The following HS6ST3 variants were observed in gnomAD, a reference collection of about 807,000 sequenced individuals.
HS6ST3 encodes the protein heparan-sulfate 6-O-sulfotransferase 3.
In HS6ST3, 12 loss-of-function variants were observed where a neutral mutation model predicts 36.7. The ratio of observed to expected loss-of-function variants is 0.33; its 90% CI spans 0.21 to 0.53. The LOEUF (loss-of-function observed/expected upper bound fraction) is 0.53, where lower values mean the gene tolerates loss of function less well. HS6ST3 is among the 20% of genes least tolerant of loss of function. The probability of loss-of-function intolerance (pLI) is 0.95; values close to 1 mark genes in which losing one functional copy is unlikely to be tolerated. For synonymous variants in HS6ST3, 240 were observed against 257.5 expected (o/e 0.93, Z 0.65); for missense variants, 584 against 640.9 (o/e 0.91, Z 0.96).
At chr13:96,515,090 A>C (rs1180218169) in intron 1 of HS6ST3, among the ~76,000 whole-genome samples, 1 of 152,186 alleles carries the variant, frequency 6.6e-6, no homozygotes, top group Non-Finnish European at 1.5e-5. Flanking sequence ...AAAGTAGGAG[A>C]CTTGCAGTTG....
rs889117402 is a variant in HS6ST3 at position 96,467,160 on chromosome 13, G to A, written c.708-365330G>A. 1.2e-4 allele frequency among the ~76,000 whole-genome samples: 18 copies of A among 151,956 alleles called. No homozygotes were observed. In the South Asian group the frequency reaches 1.2e-3, roughly 11 times the overall value. On this transcript the variant is annotated intron_variant, in intron 1 of 1. Transcript: ENST00000376705. ...TTGAGTTCACCATATCATGTATACC[G>A]TTCCCAGCCTTGTTTTTTTCCTAGA...
chr13:96,526,450 T>C (rs927633454), intron 1 of HS6ST3, among the ~76,000 whole-genome samples: 5 of 152,182 alleles, frequency 3.3e-5, no homozygotes, highest in African/African-American at 1.2e-4. Context: ...GCAGTGTTAG[T>C]TAAGGGCTAG....
intron 1 of HS6ST3, among the ~76,000 whole-genome samples, chr13:96,201,817 A>G (rs1451916383): frequency 1.3e-5 from 2 of 152,186 alleles, no homozygotes; most frequent in African/African-American, 4.8e-5. Context: ...ATAGATTTCC[A>G]TCTATATAGT....
chr13:96,492,481 C>G (rs554599722), intron 1 of HS6ST3, among the ~76,000 whole-genome samples: 6 of 152,222 alleles, frequency 3.9e-5, no homozygotes, highest in African/African-American at 1.4e-4. Context: ...TTTCAAGTCC[C>G]CCTTAGTAAT....
At chr13:96,220,213 A>G (rs1389161455) in intron 1 of HS6ST3, among the ~76,000 whole-genome samples, 1 of 152,172 alleles carries the variant, frequency 6.6e-6, no homozygotes, top group African/African-American at 2.4e-5. Context: ...TGCTTAATAA[A>G]TCTTATTTGT....
intron 1 of HS6ST3, among the ~76,000 whole-genome samples, chr13:96,468,858 CA>C (rs1259208044): frequency 6.6e-6 from 1 of 152,154 alleles, no homozygotes; most frequent in Non-Finnish European, 1.5e-5. Flanking sequence ...CTCTCTTTGG[CA>C]AGCCCTGAAA....
chr13:96,254,474 TATATATATATATATATATATATATAC>T lies in HS6ST3; in HGVS notation c.707+162907_707+162932del, dbSNP rs1566302627. Among the ~76,000 whole-genome samples the T allele has an allele frequency of 7.8e-4, 7 of 8,930 alleles. 1 individual carries two copies. Among genetic ancestry groups the T allele is most frequent in the Admixed American group, 2.2e-3 (1 of 458 alleles). The allele number at this position is 8,930 out of a possible 152,430, so 5.9% of individuals were successfully genotyped here. On this transcript the variant is annotated intron_variant, in intron 1 of 1. Coordinates refer to ENST00000376705, the MANE Select transcript of HS6ST3 (RefSeq NM_153456.4). ...ATATATATATATATATATATATATA[TATATATATATATATATATATATATAC>T]ACATACATACACACACACACTTTTT...
intron 1 of HS6ST3, among the ~76,000 whole-genome samples, chr13:96,803,110 C>G (rs1383515047): frequency 2.0e-5 from 3 of 152,138 alleles, no homozygotes; most frequent in Non-Finnish European, 4.4e-5. Flanking sequence ...CTCTGGTTGT[C>G]GGAGTTACCC....
At chr13:96,685,229 G>A (rs1010765511) in intron 1 of HS6ST3, among the ~76,000 whole-genome samples, 1 of 151,998 alleles carries the variant, frequency 6.6e-6, no homozygotes, top group African/African-American at 2.4e-5. Context: ...GCACTACGTG[G>A]CCCAGATATT....
At chr13:96,348,541 G>C (rs1259239696) in intron 1 of HS6ST3, among the ~76,000 whole-genome samples, 2 of 152,190 alleles carry the variant, frequency 1.3e-5, no homozygotes, top group African/African-American at 4.8e-5. Flanking sequence ...AACTATTTAA[G>C]ATTACTGAAA....
At chr13:96,325,567 A>G (rs1416946858) in intron 1 of HS6ST3, among the ~76,000 whole-genome samples, 3 of 152,210 alleles carry the variant, frequency 2.0e-5, no homozygotes, top group Non-Finnish European at 4.4e-5. Context: ...TTTAAAGTAT[A>G]TGGAAGGATG....
intron 1 of HS6ST3, among the ~76,000 whole-genome samples, chr13:96,346,204 G>T (rs1009154936): frequency 2.0e-5 from 3 of 152,138 alleles, no homozygotes; most frequent in African/African-American, 7.2e-5. Flanking sequence ...AGAGAGTAAA[G>T]TATATCTGAT....
chr13:96,459,100 T>TAAAAAAAAAAAAAAAAAAAAAAAAAAAA (rs747439262), intron 1 of HS6ST3, among the ~76,000 whole-genome samples: 6 of 63,886 alleles, frequency 9.4e-5, no homozygotes, highest in South Asian at 5.8e-4. Flanking sequence ...CAAGACTGTC[T>TAAAAAAAAAAAAAAAAAAAAAAAAAAAA]AAAAAAAAAA....
At chr13:96,524,064 G>C (rs907667162) in intron 1 of HS6ST3, among the ~76,000 whole-genome samples, 3 of 152,166 alleles carry the variant, frequency 2.0e-5, no homozygotes, top group Non-Finnish European at 4.4e-5. Flanking sequence ...CCTTCTTGTT[G>C]ATGTTGATGC....
rs764747275 is a variant in HS6ST3 at position 96,675,925 on chromosome 13, C to G, written c.708-156565C>G. On this transcript the variant is annotated intron_variant, in intron 1 of 1. Transcript: ENST00000376705. ...AGTGAGCCAGTCTGTTTGGGTAGCTCTGGATCATTGTCTGATTGGGCAGTG... is the reference window on the plus strand; with the variant it reads ...AGTGAGCCAGTCTGTTTGGGTAGCTGTGGATCATTGTCTGATTGGGCAGTG... 7.2e-5 allele frequency among the ~76,000 whole-genome samples: 11 copies of G among 152,050 alleles called. 1 individual carries two copies. The highest frequency in any genetic ancestry group is 5.2e-4 in the Admixed American group (8 of 15,244).
chr13:96,619,823 C>T (rs1409739308), intron 1 of HS6ST3, among the ~76,000 whole-genome samples: 1 of 152,198 alleles, frequency 6.6e-6, no homozygotes, highest in Non-Finnish European at 1.5e-5. Flanking sequence ...TGCACCCTTA[C>T]AGCTTCCTTT....
intron 1 of HS6ST3, among the ~76,000 whole-genome samples, chr13:96,213,361 G>A (rs185823792): frequency 2.0e-4 from 30 of 152,202 alleles, no homozygotes; most frequent in African/African-American, 7.0e-4. Flanking sequence ...TTTTGCTGGG[G>A]ATATATTTTT....
At chr13:96,526,646 A>C (rs2056115551) in intron 1 of HS6ST3, among the ~76,000 whole-genome samples, 1 of 152,162 alleles carries the variant, frequency 6.6e-6, no homozygotes, top group African/African-American at 2.4e-5. Flanking sequence ...TTTTAGCAAA[A>C]CTTAGGGTAT....
At chr13:96,463,644 G>A (rs2055796408) in intron 1 of HS6ST3, among the ~76,000 whole-genome samples, 2 of 151,972 alleles carry the variant, frequency 1.3e-5, no homozygotes, top group South Asian at 4.1e-4. Flanking sequence ...TTTATCAAAA[G>A]ACAATGTAAA....
Sources: allele counts gnomAD v4.1 joint callset (sites outside exome capture counted in the v4.1 genomes callset), GRCh38; gene constraint gnomAD v4.1.1; transcripts MANE v1.5; gene names NCBI Gene and HGNC (gene_info 2026-07-23, HGNC 2026-07-21).